Variants in TENM3 observed in about 807,000 individuals in gnomAD.
TENM3 encodes teneurin transmembrane protein 3.
In TENM3, 63 loss-of-function variants were observed where a neutral mutation model predicts 255.1. The observed-to-expected ratio is 0.25, with a 90% CI of 0.20 to 0.30. The LOEUF is 0.30. Among genes scored for constraint, TENM3 ranks in the 10% least tolerant of loss-of-function variants. TENM3 has a pLI of 1.00. For synonymous variants in TENM3, 1,306 were observed against 1,322.3 expected (o/e 0.99, Z 0.27); for missense variants, 2,929 against 3,461.1 (o/e 0.85, Z 3.86).
intron 4 of TENM3, among the ~76,000 whole-genome samples, chr4:182,623,156 G>A (rs575570097): frequency 8.7e-5 from 13 of 149,308 alleles, no homozygotes; most frequent in South Asian, 2.2e-4. Flanking sequence ...GACTACAGGC[G>A]CCCACCACCA....
intron 3 of TENM3, among the ~76,000 whole-genome samples, chr4:182,511,434 A>C (rs1350709025): frequency 6.6e-6 from 1 of 152,130 alleles, no homozygotes. Flanking sequence ...AATTAAATTG[A>C]TAATTTCTTG....
Position 182,754,251 on chromosome 4 carries a change from G to A in TENM3, c.4018-134G>A. ...TTACTTTTTGGTTTATTTTACTGAG[G>A]CTATTGAAAAAACTATTATCAGACA... On this transcript the variant is annotated intron_variant, in intron 21 of 27. Coordinates refer to ENST00000511685, the MANE Select transcript of TENM3 (RefSeq NM_001080477.4). This position sits in a 1 kb window ranked among gnomAD's most constrained non-coding sequence, Gnocchi z 5.1. 2 of 862,596 alleles carry A rather than the reference G, an allele frequency of 2.3e-6. No individual in the cohort carries two copies. Among genetic ancestry groups the A allele is most frequent in the South Asian group, 3.9e-5 (2 of 51,168 alleles). 53.4% of individuals were successfully genotyped at this position (862,596 alleles called of 1,614,324 possible). A position where few individuals can be genotyped will look rare whatever the true frequency, so the allele number is the denominator to read the frequency against.
chr4:182,793,397 T>C lies in TENM3; in HGVS notation c.6725T>C (p.Leu2242Pro), dbSNP rs1229049706. 1 of 1,613,830 alleles carries C rather than the reference T, an allele frequency of 6.2e-7. No individual in the cohort carries two copies. The highest frequency in any genetic ancestry group is 2.2e-5 in the East Asian group (1 of 44,904). Reference protein sequence around the residue: ...LGRRVSSKTSLGQHLQFFYAD... With the variant: ...LGRRVSSKTSPGQHLQFFYAD... ...AGGCGTGTTTCTAGCAAAACCAGTC[T>C]AGGACAGCACCTGCAGTTTTTTTAT... is the stretch of plus-strand genomic sequence containing the variant. Residue 2242 changes from leucine to proline, a missense_variant, in exon 26 of 28, where the codon CTA becomes CCA. By Grantham distance (98) the Leu-to-Pro change is moderately conservative (BLOSUM62 -3). Transcript: ENST00000511685. This position sits in a 1 kb window ranked among gnomAD's most constrained non-coding sequence, Gnocchi z 5.7.
intron 6 of TENM3, among the ~76,000 whole-genome samples, chr4:182,657,451 TC>T (rs1753848903): frequency 6.6e-6 from 1 of 152,140 alleles, no homozygotes; most frequent in African/African-American, 2.4e-5. Context: ...TTCCACCTTT[TC>T]TCCCCATATT....
the TENM3 span, among the ~76,000 whole-genome samples, chr4:181,619,441 A>G: frequency 6.6e-6 from 1 of 152,120 alleles, no homozygotes; most frequent in Non-Finnish European, 1.5e-5. Context: ...TTTATTTTAG[A>G]GACAGAGTCT....
chr4:181,622,568 C>T, the TENM3 span, among the ~76,000 whole-genome samples: 6 of 151,948 alleles, frequency 3.9e-5, no homozygotes, highest in South Asian at 2.1e-4. Flanking sequence ...GTCAGCTACT[C>T]GGGAGGTTGA....
At chr4:181,686,579 G>C in the TENM3 span, among the ~76,000 whole-genome samples, 2 of 152,128 alleles carry the variant, frequency 1.3e-5, no homozygotes, top group Admixed American at 6.6e-5. Context: ...TCACAAATAA[G>C]TAAGACGTGG....
chr4:181,999,865 A>G, the TENM3 span, among the ~76,000 whole-genome samples: 5 of 152,172 alleles, frequency 3.3e-5, no homozygotes, highest in African/African-American at 1.2e-4. Flanking sequence ...ATATAAGTTC[A>G]TTATGGAAAA....
At chr4:182,555,936 T>C (rs889538890) in intron 3 of TENM3, among the ~76,000 whole-genome samples, 25 of 151,860 alleles carry the variant, frequency 1.6e-4, no homozygotes, top group African/African-American at 5.8e-4. Context: ...CACTGAAGAG[T>C]TTCTCTAAAA....
chr4:182,428,142 C>T (rs1771367141), intron 3 of TENM3, among the ~76,000 whole-genome samples: 1 of 152,052 alleles, frequency 6.6e-6, no homozygotes, highest in Admixed American at 6.6e-5. Flanking sequence ...GAAAACCAAC[C>T]TGGATTCAGA....
the TENM3 span, among the ~76,000 whole-genome samples, chr4:181,722,892 A>G: frequency 6.6e-6 from 1 of 152,150 alleles, no homozygotes; most frequent in East Asian, 1.9e-4. Flanking sequence ...TGGTAAGCAC[A>G]GGACTCATTG....
chr4:182,430,073 T>A (rs1771505998), intron 3 of TENM3, among the ~76,000 whole-genome samples: 1 of 152,226 alleles, frequency 6.6e-6, no homozygotes, highest in Non-Finnish European at 1.5e-5. Flanking sequence ...TGCAGTATTA[T>A]CACTGAGTGA....
intron 1 of TENM3, among the ~76,000 whole-genome samples, chr4:182,168,465 T>C (rs926976549): frequency 3.9e-5 from 6 of 152,200 alleles, no homozygotes; most frequent in African/African-American, 1.4e-4. Flanking sequence ...TCTGGGAAAC[T>C]AGCCTTCGTT....
Position 182,549,210 on chromosome 4 carries a change from C to T in TENM3, c.512-51714C>T, listed in dbSNP as rs1319925032. On this transcript the variant is annotated intron_variant, in intron 3 of 27. Coordinates refer to ENST00000511685, the MANE Select transcript of TENM3 (RefSeq NM_001080477.4). ...CTTGTGTGCATGCTGGTAGATGTTA[C>T]GGTCAAGTAAAATGTCAGCACAGTA... Among the ~76,000 whole-genome samples the T allele has an allele frequency of 4.6e-5, 7 of 152,118 alleles. No individual in the cohort carries two copies. In the East Asian group the frequency reaches 5.8e-4, roughly 13 times the overall value.
At chr4:181,999,249 G>A in the TENM3 span, among the ~76,000 whole-genome samples, 6 of 152,278 alleles carry the variant, frequency 3.9e-5, no homozygotes, top group South Asian at 8.3e-4. Context: ...GATGACAGGA[G>A]TGTGAAAAGA....
chr4:182,013,061 T>G, the TENM3 span, among the ~76,000 whole-genome samples: 1 of 152,096 alleles, frequency 6.6e-6, no homozygotes, highest in African/African-American at 2.4e-5. Context: ...TACTTGTCCA[T>G]TATATCACAA....
At chr4:181,634,422 T>G in the TENM3 span, among the ~76,000 whole-genome samples, 3 of 150,852 alleles carry the variant, frequency 2.0e-5, no homozygotes, top group East Asian at 5.9e-4. Flanking sequence ...CTTTATTTCC[T>G]TTATAGCCAT....
chr4:181,494,561 C>G, the TENM3 span, among the ~76,000 whole-genome samples: 14 of 151,908 alleles, frequency 9.2e-5, no homozygotes, highest in African/African-American at 2.9e-4. Context: ...GCTGGGATTA[C>G]AGGCATGAGC....
At chr4:182,081,065 C>CTAAAT in the TENM3 span, among the ~76,000 whole-genome samples, 1 of 152,036 alleles carries the variant, frequency 6.6e-6, no homozygotes, top group Admixed American at 6.6e-5. Context: ...TTCACTGTGC[C>CTAAAT]TCAGCTGTCC....
Sources: allele counts gnomAD v4.1 joint callset (sites outside exome capture counted in the v4.1 genomes callset), GRCh38; gene constraint gnomAD v4.1.1; non-coding constraint Gnocchi (gnomAD v3.1); transcripts MANE v1.5; gene names NCBI Gene and HGNC (gene_info 2026-07-23, HGNC 2026-07-21).